ABCA13: variants seen among roughly 807,000 people sequenced by gnomAD.
The protein encoded by ABCA13 is ATP-binding cassette sub-family A member 13.
Under a neutral mutation model 478.7 loss-of-function variants are expected in ABCA13, and 476 were observed. The observed-to-expected ratio is 0.99, with a 90% CI of 0.92 to 1.07. The LOEUF (loss-of-function observed/expected upper bound fraction) is 1.07, where lower values mean the gene tolerates loss of function less well. Among genes scored for constraint, ABCA13 ranks in the 50% least tolerant of loss-of-function variants. The pLI is 0.00. For missense variants in ABCA13, 6,060 were observed against 5,910.6 expected, an observed-to-expected ratio of 1.03 and a Z score of -0.83; for synonymous variants, 2,252 against 2,158.9, an observed-to-expected ratio of 1.04 and a Z score of -1.20.
chr7:48,559,307 C>T (rs551478388), intron 55 of ABCA13, among the ~76,000 whole-genome samples: 6 of 152,128 alleles, frequency 3.9e-5, no homozygotes, highest in Non-Finnish European at 8.8e-5. Context: ...TCAGTGGCCA[C>T]CATCACTACT....
chr7:48,483,716 C>G (rs1206415298), intron 47 of ABCA13, among the ~76,000 whole-genome samples: 1 of 152,156 alleles, frequency 6.6e-6, no homozygotes, highest in Non-Finnish European at 1.5e-5. Flanking sequence ...AGGAAAGATG[C>G]CTTGATCCAT....
intron 26 of ABCA13, among the ~76,000 whole-genome samples, chr7:48,316,671 A>ACAAG (rs1348100044): frequency 6.6e-6 from 1 of 152,230 alleles, no homozygotes. Flanking sequence ...TGCAGACTAT[A>ACAAG]CAAGAAGCAT....
Position 48,412,664 on chromosome 7 carries a change from G to C in ABCA13, c.12459+81G>C, listed in dbSNP as rs536124677. 279 of 1,182,864 alleles carry C rather than the reference G, an allele frequency of 2.4e-4. 2 individuals carry two copies. In the Admixed American group the frequency reaches 6.4e-3, roughly 27 times the overall value. 73.3% of individuals were successfully genotyped at this position (1,182,864 alleles called of 1,614,324 possible). On this transcript the variant is annotated intron_variant, in intron 41 of 61. Transcript: ENST00000435803. ...ATTAAATGAAGAGATGTGGGTAAAG[G>C]GGGGGAGATGTGGGTAAGGGGGAGG...
rs574265135 is a variant in ABCA13, at chr7:48,575,811, C to G, written c.14355-4413C>G. On this transcript the variant is annotated intron_variant, in intron 55 of 61. Coordinates refer to ENST00000435803, the MANE Select transcript of ABCA13 (RefSeq NM_152701.5). ...AAATACCTTAAAAACTAAAAATTAT[C>G]AACTCTTCTTAGATCCCTCAGAGAT... is the stretch of plus-strand genomic sequence containing the variant. Among the ~76,000 whole-genome samples, 20 of 152,192 alleles carry G rather than the reference C, an allele frequency of 1.3e-4. No individual in the cohort carries two copies. The South Asian group carries it at 4.1e-3, about 32-fold the overall frequency.
intron 29 of ABCA13, among the ~76,000 whole-genome samples, chr7:48,341,805 C>G (rs1434084255): frequency 1.5e-5 from 1 of 66,680 alleles, no homozygotes; most frequent in African/African-American, 5.7e-5. Flanking sequence ...GTCTTCTTTT[C>G]TTTTCTGATA....
chr7:48,637,405 A>AAC, intron 59 of ABCA13, among the ~76,000 whole-genome samples: 1 of 147,244 alleles, frequency 6.8e-6, no homozygotes, highest in South Asian at 2.2e-4. Context: ...AAAAAAAAAA[A>AAC]ACAGAGAGAG....
At chr7:48,632,800 C>G (rs1794272310) in intron 59 of ABCA13, among the ~76,000 whole-genome samples, 1 of 152,006 alleles carries the variant, frequency 6.6e-6, no homozygotes, top group Non-Finnish European at 1.5e-5. Flanking sequence ...GCTGAGGAGC[C>G]AATGGGGTGG....
chr7:48,462,187 G>A (rs73330053), intron 43 of ABCA13, among the ~76,000 whole-genome samples: 88 of 150,970 alleles, frequency 5.8e-4, no homozygotes, highest in African/African-American at 2.1e-3. Flanking sequence ...AAGTCTAGCA[G>A]AAGCCTTGAT....
In ABCA13 at chr7:48,273,079, T is replaced by C; in HGVS notation, c.3413T>C (p.Phe1138Ser). 1 of 1,613,682 alleles carries C rather than the reference T, an allele frequency of 6.2e-7. No individual in the cohort carries two copies. The highest frequency in any genetic ancestry group is 8.5e-7 in the Non-Finnish European group (1 of 1,179,754). Reference sequence around the variant, plus strand: ...AACCTCTCAGCAAATGTCAGTGTGTTCAACAAGTTTATGTCCATTCACTGT... The same window carrying C: ...AACCTCTCAGCAAATGTCAGTGTGTCCAACAAGTTTATGTCCATTCACTGT... ...FSNLSANVSV[F>S]NKFMSIHCTV... The change falls in exon 17 of 62, where the codon TTC becomes TCC. Residue 1138 changes from phenylalanine to serine, a missense_variant. Around this residue, in one of 3 missense-constraint regions of ABCA13, gnomAD observed 4,423 missense variants for 4,309.1 expected, o/e 1.03. Transcript: ENST00000435803.
intron 42 of ABCA13, among the ~76,000 whole-genome samples, chr7:48,447,587 T>A (rs1456867329): frequency 1.3e-5 from 2 of 152,038 alleles, no homozygotes; most frequent in African/African-American, 2.4e-5. Flanking sequence ...GCTGTCAAAG[T>A]TGAGAGTGAA....
intron 42 of ABCA13, among the ~76,000 whole-genome samples, chr7:48,452,903 T>A (rs1010869270): frequency 1.3e-5 from 2 of 152,200 alleles, no homozygotes; most frequent in Non-Finnish European, 2.9e-5. Context: ...AGAATTCAAA[T>A]ACTTATCCTA....
At chr7:48,619,628 T>C (rs577155630) in intron 59 of ABCA13, among the ~76,000 whole-genome samples, 1 of 152,242 alleles carries the variant, frequency 6.6e-6, no homozygotes, top group East Asian at 1.9e-4. Flanking sequence ...TCACAAGGCC[T>C]AACAGGGCAG....
chr7:48,516,879 AAGGT>A lies in ABCA13; in HGVS notation c.13796_13797+2del. ...GTTGCTAGCCATCATCTCCAAAGCT[AAGGT>A]CAGTAGCTTTGTAGCATCACCTCTA... On this transcript the variant is annotated splice_donor_variant and coding_sequence_variant, in exon 52 of 62. Transcript: ENST00000435803. LOFTEE classifies it high-confidence loss of function. 3 of 1,613,462 alleles carry A rather than the reference AAGGT, an allele frequency of 1.9e-6. No individual in the cohort carries two copies. Among genetic ancestry groups the A allele is most frequent in the Non-Finnish European group, 2.5e-6 (3 of 1,179,562 alleles).
intron 55 of ABCA13, among the ~76,000 whole-genome samples, chr7:48,577,106 T>A (rs1346214206): frequency 6.6e-6 from 1 of 152,156 alleles, no homozygotes; most frequent in Non-Finnish European, 1.5e-5. Flanking sequence ...TCATGGAATT[T>A]GATGCATCTG....
intron 41 of ABCA13, among the ~76,000 whole-genome samples, chr7:48,415,984 C>T (rs900330032): frequency 6.6e-6 from 1 of 152,084 alleles, no homozygotes; most frequent in Non-Finnish European, 1.5e-5. Flanking sequence ...TCCTTCCTGC[C>T]TACATCCTTC....
At chr7:48,619,713 A>G (rs897622539) in intron 59 of ABCA13, among the ~76,000 whole-genome samples, 1 of 152,164 alleles carries the variant, frequency 6.6e-6, no homozygotes, top group Non-Finnish European at 1.5e-5. Context: ...AAACCCAGGA[A>G]AAGCCGAGAA....
chr7:48,543,352 G>A (rs992938037), intron 55 of ABCA13, among the ~76,000 whole-genome samples: 2 of 151,782 alleles, frequency 1.3e-5, no homozygotes, highest in African/African-American at 2.4e-5. Context: ...AGCTGGGCAC[G>A]GTGGCTCACG....
intron 59 of ABCA13, among the ~76,000 whole-genome samples, chr7:48,620,250 C>T (rs1793007418): frequency 6.6e-6 from 1 of 151,036 alleles, no homozygotes; most frequent in Non-Finnish European, 1.5e-5. Flanking sequence ...AACAAAAAAT[C>T]ACTACAGAAT....
chr7:48,268,872 TTAACA>T, intron 15 of ABCA13, 103 bp from the exon 16 acceptor site: 1 of 352,190 alleles, frequency 2.8e-6, no homozygotes, highest in South Asian at 4.7e-5. Context: ...TTTTTTTTTT[TTAACA>T]TTTTCAACCA....
Sources: allele counts gnomAD v4.1 joint callset (sites outside exome capture counted in the v4.1 genomes callset), GRCh38; gene constraint gnomAD v4.1.1; regional missense constraint gnomAD v4.1.1; transcripts MANE v1.5; gene names NCBI Gene and HGNC (gene_info 2026-07-23, HGNC 2026-07-21).